Variants in DHX15 observed in about 807,000 individuals in gnomAD.
DHX15 encodes the protein DEAH-box helicase 15.
DHX15 carries 11 observed loss-of-function variants against 94.4 expected under a neutral mutation model. That is an observed-to-expected ratio of 0.12 (90% CI 0.07 to 0.19). The LOEUF is 0.19. Among genes scored for constraint, DHX15 ranks in the 10% least tolerant of loss-of-function variants. The probability of loss-of-function intolerance (pLI) is 1.00; values close to 1 mark genes in which losing one functional copy is unlikely to be tolerated. For missense variants in DHX15, 304 were observed against 988.5 expected (o/e 0.31, Z 9.29); for synonymous variants, 338 against 329.9 (o/e 1.02, Z -0.27).
chr4:24,532,115 T>C (rs550862203), intron 12 of DHX15, among the ~76,000 whole-genome samples: 1 of 152,390 alleles, frequency 6.6e-6, no homozygotes, highest in African/African-American at 2.4e-5. Context: ...CAAAATTTTC[T>C]TGCATTTTTC....
chr4:24,539,245 T>C (rs1228465779), intron 10 of DHX15: 1 of 152,210 alleles, frequency 6.6e-6, no homozygotes, highest in African/African-American at 2.4e-5. Flanking sequence ...TTTGAAATAT[T>C]TGCAGCATTA....
At chr4:24,562,664 C>T (rs1469802439) in intron 3 of DHX15, among the ~76,000 whole-genome samples, 1 of 152,178 alleles carries the variant, frequency 6.6e-6, no homozygotes, top group Non-Finnish European at 1.5e-5. Context: ...TTGGGATAGC[C>T]ATACACTTTA....
intron 6 of DHX15, among the ~76,000 whole-genome samples, chr4:24,548,467 G>T (rs192273385): frequency 7.2e-5 from 11 of 152,246 alleles, no homozygotes; most frequent in African/African-American, 2.4e-4. Flanking sequence ...GTTATTAGAG[G>T]TCTGCACAGG....
At chr4:24,582,493 G>T (rs910836257) in intron 1 of DHX15, among the ~76,000 whole-genome samples, 1 of 152,174 alleles carries the variant, frequency 6.6e-6, no homozygotes, top group Non-Finnish European at 1.5e-5. Context: ...TTCCCTCCCA[G>T]AATATTTTGT....
intron 2 of DHX15, among the ~76,000 whole-genome samples, chr4:24,574,114 G>A (rs1427846412): frequency 1.4e-5 from 2 of 145,534 alleles, no homozygotes; most frequent in Non-Finnish European, 3.0e-5. Context: ...GCTGAGGCAG[G>A]AGAATCACTT....
chr4:24,547,903 GTATATATATATATATATATA>G (rs869194543), intron 6 of DHX15, among the ~76,000 whole-genome samples: 18 of 70,704 alleles, frequency 2.5e-4, no homozygotes, highest in South Asian at 7.3e-4. Flanking sequence ...GTATGTATGT[GTATATATATATATATATATA>G]TATATATATA....
At chr4:24,536,934 C>G in intron 11 of DHX15, 117 bp downstream of exon 11, 1 of 1,221,462 alleles carries the variant, frequency 8.2e-7, no homozygotes, top group Non-Finnish European at 1.1e-6. Context: ...TTCAAAAGTA[C>G]CTCTGGGTTT....
chr4:24,549,626 T>G (rs1229305591), intron 5 of DHX15, among the ~76,000 whole-genome samples: 1 of 152,214 alleles, frequency 6.6e-6, no homozygotes, highest in African/African-American at 2.4e-5. Context: ...TGTTAGGCGA[T>G]TCTGTTGTTG....
chr4:24,583,624 G>A (rs114725684), intron 1 of DHX15, among the ~76,000 whole-genome samples: 28 of 152,178 alleles, frequency 1.8e-4, no homozygotes, highest in African/African-American at 6.7e-4. Context: ...AATGGACCAA[G>A]GCACGCTCTC....
At chr4:24,578,535 G>A (rs542254418) in intron 1 of DHX15, among the ~76,000 whole-genome samples, 1 of 152,324 alleles carries the variant, frequency 6.6e-6, no homozygotes, top group South Asian at 2.1e-4. Context: ...CATGGGGGAA[G>A]GAGGAGATGA....
chr4:24,542,710 CAAAG>C (rs894205016), intron 7 of DHX15, among the ~76,000 whole-genome samples: 84 of 151,188 alleles, frequency 5.6e-4, no homozygotes, highest in African/African-American at 2.0e-3. Context: ...TACACTGAAA[CAAAG>C]AAAGCAAAGC....
intron 5 of DHX15, among the ~76,000 whole-genome samples, chr4:24,552,378 T>C (rs898753251): frequency 6.6e-6 from 1 of 152,220 alleles, no homozygotes; most frequent in African/African-American, 2.4e-5. Flanking sequence ...AAAATAAAAT[T>C]ATTTAATTAC....
intron 13 of DHX15, among the ~76,000 whole-genome samples, chr4:24,528,307 A>AT (rs1026712790): frequency 1.6e-4 from 24 of 152,240 alleles, no homozygotes; most frequent in African/African-American, 5.5e-4. Flanking sequence ...TAATGTAAAG[A>AT]TAACAGATAA....
intron 11 of DHX15, among the ~76,000 whole-genome samples, chr4:24,535,138 C>T (rs1421404073): frequency 6.6e-6 from 1 of 152,144 alleles, no homozygotes; most frequent in African/African-American, 2.4e-5. Context: ...TAGTACCTCT[C>T]ACTAATAATG....
intron 1 of DHX15, among the ~76,000 whole-genome samples, chr4:24,577,747 T>C (rs752005654): frequency 6.6e-6 from 1 of 152,140 alleles, no homozygotes; most frequent in African/African-American, 2.4e-5. Flanking sequence ...TTCATATGCG[T>C]TGTGGCTGAA....
chr4:24,532,611 AAAT>A (rs1307919461), intron 12 of DHX15, among the ~76,000 whole-genome samples: 2 of 152,206 alleles, frequency 1.3e-5, no homozygotes, highest in Non-Finnish European at 2.9e-5. Context: ...TCTATTAATA[AAAT>A]AATTCTAAAA....
chr4:24,546,023 A>G (rs374841260), intron 6 of DHX15, among the ~76,000 whole-genome samples: 2 of 150,444 alleles, frequency 1.3e-5, no homozygotes. Context: ...ACTTCCCCCC[A>G]CTCCGCCCCC....
chr4:24,536,342 C>T (rs150715534), intron 11 of DHX15, among the ~76,000 whole-genome samples: 1 of 152,146 alleles, frequency 6.6e-6, no homozygotes, highest in Non-Finnish European at 1.5e-5. Context: ...TCAGTGTCCA[C>T]AGAATACCAA....
chr4:24,582,147 C>T (rs578156941), intron 1 of DHX15, among the ~76,000 whole-genome samples: 2 of 152,042 alleles, frequency 1.3e-5, no homozygotes, highest in South Asian at 4.1e-4. Context: ...ATTCTGAGGC[C>T]GATAAACACC....
Sources: allele counts gnomAD v4.1 joint callset (sites outside exome capture counted in the v4.1 genomes callset), GRCh38; gene constraint gnomAD v4.1.1; transcripts MANE v1.5; gene names NCBI Gene and HGNC (gene_info 2026-07-23, HGNC 2026-07-21).